CAMKMT: variants seen among roughly 807,000 people sequenced by gnomAD.
The protein encoded by CAMKMT is CaM KMT.
In CAMKMT, 53 loss-of-function variants were observed where a neutral mutation model predicts 48.0. The observed-to-expected ratio is 1.10, with a 90% CI of 0.89 to 1.39. The LOEUF is 1.39. Among genes scored for constraint, CAMKMT ranks in the 40% most tolerant of loss-of-function variants. The pLI is 0.00. For synonymous variants in CAMKMT, 165 were observed against 152.3 expected, an observed-to-expected ratio of 1.08 and a Z score of -0.61; for missense variants, 428 against 402.7, an observed-to-expected ratio of 1.06 and a Z score of -0.54.
chr2:44,431,704 TCA>T (rs1482209532), intron 3 of CAMKMT, among the ~76,000 whole-genome samples: 3 of 152,176 alleles, frequency 2.0e-5, no homozygotes, highest in African/African-American at 7.2e-5. Context: ...TAGGCTCCTC[TCA>T]CATTCTATTG....
chr2:44,650,315 C>T (rs1673988797), intron 3 of CAMKMT, among the ~76,000 whole-genome samples: 1 of 152,136 alleles, frequency 6.6e-6, no homozygotes, highest in Non-Finnish European at 1.5e-5. Flanking sequence ...TCTGTCTTCA[C>T]GTGGCCGGTC....
At chr2:44,427,831 A>C (rs1684377351) in intron 3 of CAMKMT, among the ~76,000 whole-genome samples, 1 of 152,142 alleles carries the variant, frequency 6.6e-6, no homozygotes, top group South Asian at 2.1e-4. Flanking sequence ...GTGAAATGGG[A>C]GAGTTCCTTT....
At position 44,672,184 on chromosome 2, in the gene CAMKMT, C is replaced by T. The variant is rs1294769576; in HGVS notation, c.377-32099C>T. Among the ~76,000 whole-genome samples, 7 of 152,122 alleles carry T rather than the reference C, an allele frequency of 4.6e-5. No individual in the cohort carries two copies. The East Asian group carries it at 1.3e-3, about 29-fold the overall frequency. On this transcript the variant is annotated intron_variant, in intron 3 of 10. Coordinates refer to ENST00000378494, the MANE Select transcript of CAMKMT (RefSeq NM_024766.5). ...TCTTACACTGACTGTCCTTTTCACC[C>T]TGATTACTCTTTGGATGTATAATGG...
chr2:44,506,098 C>G (rs1670247882), intron 3 of CAMKMT, among the ~76,000 whole-genome samples: 1 of 152,218 alleles, frequency 6.6e-6, no homozygotes, highest in East Asian at 1.9e-4. Flanking sequence ...TCAAGCAGTT[C>G]ATTCCACCGT....
At chr2:44,378,788 G>A (rs1395023963) in intron 2 of CAMKMT, among the ~76,000 whole-genome samples, 1 of 152,112 alleles carries the variant, frequency 6.6e-6, no homozygotes, top group Non-Finnish European at 1.5e-5. Context: ...CACCGCGCCT[G>A]GCCTAGAATT....
At chr2:44,491,087 G>C (rs1339658451) in intron 3 of CAMKMT, among the ~76,000 whole-genome samples, 1 of 150,156 alleles carries the variant, frequency 6.7e-6, no homozygotes. Context: ...GGAGACAGAG[G>C]TTGCAGTGAG....
intron 3 of CAMKMT, among the ~76,000 whole-genome samples, chr2:44,614,118 A>G (rs1572920718): frequency 6.6e-6 from 1 of 152,228 alleles, no homozygotes; most frequent in South Asian, 2.1e-4. Context: ...AATTCTTAGA[A>G]AAAAGATCAC....
At chr2:44,458,855 G>A (rs535561420) in intron 3 of CAMKMT, among the ~76,000 whole-genome samples, 10 of 152,204 alleles carry the variant, frequency 6.6e-5, no homozygotes, top group Admixed American at 4.6e-4. Flanking sequence ...GTAATACGAG[G>A]TTTCTAAAGG....
At chr2:44,737,030 C>T (rs1679392234) in intron 7 of CAMKMT, among the ~76,000 whole-genome samples, 1 of 152,054 alleles carries the variant, frequency 6.6e-6, no homozygotes, top group African/African-American at 2.4e-5. Flanking sequence ...TTTTATATGT[C>T]TGGCCATCTT....
chr2:44,647,460 C>T (rs1558768613), intron 3 of CAMKMT, among the ~76,000 whole-genome samples: 1 of 152,118 alleles, frequency 6.6e-6, no homozygotes, highest in Non-Finnish European at 1.5e-5. Context: ...GGTCACTGAT[C>T]ATGATGCGCA....
intron 2 of CAMKMT, among the ~76,000 whole-genome samples, chr2:44,389,130 G>C (rs997367129): frequency 6.6e-6 from 1 of 152,070 alleles, no homozygotes; most frequent in African/African-American, 2.4e-5. Flanking sequence ...CATCATGTAG[G>C]GGCAGGGCTA....
At chr2:44,453,871 A>G (rs1481244594) in intron 3 of CAMKMT, among the ~76,000 whole-genome samples, 5 of 152,140 alleles carry the variant, frequency 3.3e-5, no homozygotes, top group African/African-American at 7.2e-5. Context: ...GTGTTTTTCT[A>G]TGCTGCTTTT....
chr2:44,413,504 T>C (rs1251897681), intron 3 of CAMKMT, among the ~76,000 whole-genome samples: 1 of 151,828 alleles, frequency 6.6e-6, no homozygotes, highest in Non-Finnish European at 1.5e-5. Context: ...ATACAAAAAT[T>C]AGCCGGGCAG....
intron 3 of CAMKMT, among the ~76,000 whole-genome samples, chr2:44,465,249 C>G (rs1035611548): frequency 7.2e-5 from 11 of 151,824 alleles, no homozygotes; most frequent in Non-Finnish European, 1.5e-4. Context: ...AAGAAAATAC[C>G]TACAGAAGCT....
chr2:44,362,499 C>G (rs1288764495), intron 1 of CAMKMT, among the ~76,000 whole-genome samples: 2 of 152,126 alleles, frequency 1.3e-5, no homozygotes, highest in African/African-American at 2.4e-5. Context: ...TCTGTTTTGC[C>G]TCCTTCCCCA....
At chr2:44,540,162 A>ATG (rs1422789934) in intron 3 of CAMKMT, among the ~76,000 whole-genome samples, 2 of 151,052 alleles carry the variant, frequency 1.3e-5, no homozygotes, top group African/African-American at 2.4e-5. Flanking sequence ...GTATATACAT[A>ATG]TATATATATG....
At chr2:44,434,029 C>G (rs1370428254) in intron 3 of CAMKMT, among the ~76,000 whole-genome samples, 1 of 152,126 alleles carries the variant, frequency 6.6e-6, no homozygotes, top group Non-Finnish European at 1.5e-5. Flanking sequence ...CATCAACATT[C>G]CAGGTACAAA....
chr2:44,447,148 C>G (rs911949744), intron 3 of CAMKMT, among the ~76,000 whole-genome samples: 1 of 152,054 alleles, frequency 6.6e-6, no homozygotes, highest in Non-Finnish European at 1.5e-5. Flanking sequence ...TTGCTTTGTG[C>G]TTTGTTAATG....
intron 3 of CAMKMT, among the ~76,000 whole-genome samples, chr2:44,560,179 A>C (rs1368110243): frequency 6.6e-6 from 1 of 152,216 alleles, no homozygotes; most frequent in Non-Finnish European, 1.5e-5. Context: ...ACATCCATCA[A>C]CTGACTTGGC....
Sources: allele counts gnomAD v4.1 joint callset (sites outside exome capture counted in the v4.1 genomes callset), GRCh38; gene constraint gnomAD v4.1.1; transcripts MANE v1.5; gene names NCBI Gene and HGNC (gene_info 2026-07-23, HGNC 2026-07-21).